Variants in ASTL observed in about 807,000 individuals in gnomAD.
The protein encoded by ASTL is astacin-like metalloendopeptidase.
Under a neutral mutation model 36.7 loss-of-function variants are expected in ASTL, and 27 were observed. The observed-to-expected ratio is 0.73, with a 90% CI of 0.54 to 1.01. The LOEUF (loss-of-function observed/expected upper bound fraction) is 1.01. ASTL is among the 50% of genes least tolerant of loss of function. The probability of loss-of-function intolerance (pLI) is 0.00; values close to 1 mark genes in which losing one functional copy is unlikely to be tolerated. For missense variants in ASTL, 524 were observed against 572.8 expected, an observed-to-expected ratio of 0.91 and a Z score of 0.87; for synonymous variants, 222 against 228.1, an observed-to-expected ratio of 0.97 and a Z score of 0.24.
In ASTL at chr2:96,129,822, A is replaced by G. The variant is rs1682132084; in HGVS notation, c.874+2T>C. ...AAGTCACCTTCCTGCCATGCCACTC[A>G]CCTCTCCCACGGGGCCTGGGGCCAC... On this transcript the variant is annotated splice_donor_variant, in intron 8 of 8. Transcript: ENST00000342380. LOFTEE classifies it high-confidence loss of function. 1 of 1,534,126 alleles carries G rather than the reference A, an allele frequency of 6.5e-7. No individual in the cohort carries two copies. The highest frequency in any genetic ancestry group is 1.4e-5 in the African/African-American group (1 of 72,272).
At chr2:96,129,275 T>C (rs562413764) in intron 8 of ASTL, among the ~76,000 whole-genome samples, 4 of 152,362 alleles carry the variant, frequency 2.6e-5, no homozygotes, top group South Asian at 4.1e-4. Flanking sequence ...ATTATAATGG[T>C]ATGTTTACTA....
intron 8 of ASTL, among the ~76,000 whole-genome samples, chr2:96,128,203 G>A (rs1187447570): frequency 1.3e-5 from 2 of 148,452 alleles, no homozygotes; most frequent in Non-Finnish European, 3.0e-5. Context: ...TTGCACTCCA[G>A]CCTGGGCAAA....
chr2:96,128,926 G>A (rs1682114000), intron 8 of ASTL, among the ~76,000 whole-genome samples: 1 of 152,072 alleles, frequency 6.6e-6, no homozygotes. Context: ...TGTAAGCCCA[G>A]CTGCTCAGGA....
Position 96,133,555 on chromosome 2 carries a change from A to AG in ASTL, c.338-14_338-13insC. Reference sequence around the variant, plus strand: ...CGGCTGGGCTCATCTGGAAGACACCACCTGGCTGAGCCCCCAGAGCCCTGG... The same window carrying AG: ...CGGCTGGGCTCATCTGGAAGACACCAGCCTGGCTGAGCCCCCAGAGCCCTGG... On this transcript the variant is annotated splice_polypyrimidine_tract_variant and intron_variant, in intron 4 of 8. Coordinates refer to ENST00000342380, the MANE Select transcript of ASTL (RefSeq NM_001002036.4). The AG allele has an allele frequency of 6.3e-7, 1 of 1,598,666 alleles. No homozygotes were observed. The highest frequency in any genetic ancestry group is 8.6e-7 in the Non-Finnish European group (1 of 1,165,924).
intron 2 of ASTL, among the ~76,000 whole-genome samples, chr2:96,136,815 G>A (rs1338661847): frequency 6.6e-6 from 1 of 152,106 alleles, no homozygotes; most frequent in Non-Finnish European, 1.5e-5. Context: ...TCATTCCTCA[G>A]CTGACATCCC....
At chr2:96,131,779 G>A (rs1437889171) in intron 6 of ASTL, among the ~76,000 whole-genome samples, 1 of 152,098 alleles carries the variant, frequency 6.6e-6, no homozygotes, top group Non-Finnish European at 1.5e-5. Context: ...GTCTCGTGCT[G>A]GACGCCCTCC....
At position 96,124,027 on chromosome 2, in the gene ASTL, C is replaced by G; in HGVS notation, c.1119G>C (p.Arg373Ser). 2 of 1,614,010 alleles carry G rather than the reference C, an allele frequency of 1.2e-6. No homozygotes were observed. Among genetic ancestry groups the G allele is most frequent in the Non-Finnish European group, 8.5e-7 (1 of 1,179,968 alleles). Residue 373 changes from arginine to serine, a missense_variant, in exon 9 of 9, where the codon AGG becomes AGC. By Grantham distance (110) the Arg-to-Ser change is moderately radical. Coordinates refer to ENST00000342380, the MANE Select transcript of ASTL (RefSeq NM_001002036.4). The surrounding 1 kb of genome is among the most constrained non-coding windows in gnomAD (Gnocchi z 4.1). ...PQTLASSPRS[R>S]PGAGAPGVAQ... ...CAACACCGGGGGCACCTGCTCCAGG[C>G]CTTGATCTTGGGGAGGAAGCTAGGG...
upstream of ASTL, chr2:96,138,519 C>T: frequency 1.7e-6 from 2 of 1,208,206 alleles, no homozygotes; most frequent in South Asian, 1.3e-5. Context: ...GGCACCACCA[C>T]CCCCTCTTAA....
Position 96,133,452 on chromosome 2 carries a change from T to C in ASTL, c.428A>G (p.Asp143Gly), listed in dbSNP as rs1682228030. 6.2e-7 allele frequency: 1 copy of C among 1,613,080 alleles called. No individual in the cohort carries two copies. Among genetic ancestry groups the C allele is most frequent in the African/African-American group, 1.3e-5 (1 of 74,970 alleles). ...ATACATGGGGATGATGGAAATGAAG[T>C]CTCTCTGGTCCTGATAGGTGACAAA... ...IRFVTYQDQR[D>G]FISIIPMYGC... Residue 143 changes from aspartate (D) to glycine (G), a missense_variant, in exon 5 of 9, where the codon GAC becomes GGC. Physicochemically the swap from Asp to Gly is moderately conservative, Grantham distance 94. Coordinates refer to ENST00000342380, the MANE Select transcript of ASTL (RefSeq NM_001002036.4).
At chr2:96,130,189 G>T in intron 6 of ASTL, 44 bp from the exon 7 acceptor site, 1 of 1,522,816 alleles carries the variant, frequency 6.6e-7, no homozygotes, top group Non-Finnish European at 9.1e-7. Context: ...TATAAAGAGG[G>T]CAGGCAAGAA....
chr2:96,137,594 G>A lies in ASTL; in HGVS notation c.162C>T (p.Asp54=). ...CCTCACCTTGGTTAATTGCAGGAAT[G>A]TCCTTGTCCCCGGAGGCCTGGGTTC... ...PEGTQASGDK[D]IPAINQGLIL... The change falls in exon 2 of 9, where the codon GAC becomes GAT. Residue 54 remains aspartate, a synonymous_variant. Coordinates refer to ENST00000342380, the MANE Select transcript of ASTL (RefSeq NM_001002036.4). 6.2e-7 allele frequency: 1 copy of A among 1,613,940 alleles called. No individual in the cohort carries two copies. The highest frequency in any genetic ancestry group is 8.5e-7 in the Non-Finnish European group (1 of 1,179,850).
In ASTL at chr2:96,124,363, A is replaced by T; in HGVS notation, c.875-92T>A. ...ACCCAGAGCTGGCTCAGCTCACAGG[A>T]GTGGTGCCCACCCATGCCACGGCCT... On this transcript the variant is annotated intron_variant, in intron 8 of 8. Transcript: ENST00000342380. This position sits in a 1 kb window ranked among gnomAD's most constrained non-coding sequence, Gnocchi z 4.1. The T allele has an allele frequency of 8.2e-7, 1 of 1,219,216 alleles. No individual in the cohort carries two copies. The highest frequency in any genetic ancestry group is 1.1e-6 in the Non-Finnish European group (1 of 917,238). The allele number at this position is 1,219,216 out of a possible 1,614,324, so 75.5% of individuals were successfully genotyped here. A position where few individuals can be genotyped will look rare whatever the true frequency, so the allele number is the denominator to read the frequency against.
chr2:96,137,195 A>T (rs2104778903), intron 2 of ASTL, among the ~76,000 whole-genome samples: 1 of 152,312 alleles, frequency 6.6e-6, no homozygotes, highest in African/African-American at 2.4e-5. Context: ...AGGGTGGCTG[A>T]CAATCTCAGA....
Position 96,137,709 on chromosome 2 carries a change from G to T in ASTL, c.56-9C>A, listed in dbSNP as rs1222355383. The T allele has an allele frequency of 3.1e-6, 5 of 1,610,544 alleles. No individual in the cohort carries two copies. In the African/African-American group the frequency reaches 5.3e-5, roughly 17 times the overall value. On this transcript the variant is annotated splice_polypyrimidine_tract_variant and intron_variant, in intron 1 of 8. Coordinates refer to ENST00000342380, the MANE Select transcript of ASTL (RefSeq NM_001002036.4). ...CGCTCCTAGGATCACACCTGGTCCA[G>T]ACAGACAGGGGCATACACAGATGCC...
In ASTL at chr2:96,132,838, C is replaced by A; in HGVS notation, c.456-117G>T. On this transcript the variant is annotated intron_variant, in intron 5 of 8. Coordinates refer to ENST00000342380, the MANE Select transcript of ASTL (RefSeq NM_001002036.4). This position sits in a 1 kb window ranked among gnomAD's most constrained non-coding sequence, Gnocchi z 5.4. Reference sequence around the variant, plus strand: ...TAGACAAACTCCCAACAGGCAGGCCCCACTCTGGGCTCTAGTCTCAGGTTC... The same window carrying A: ...TAGACAAACTCCCAACAGGCAGGCCACACTCTGGGCTCTAGTCTCAGGTTC... The A allele has an allele frequency of 1.1e-6, 1 of 904,968 alleles. No individual in the cohort carries two copies. Among genetic ancestry groups the A allele is most frequent in the Non-Finnish European group, 1.6e-6 (1 of 616,310 alleles). 56.1% of individuals were successfully genotyped at this position (904,968 alleles called of 1,614,324 possible).
intron 2 of ASTL, among the ~76,000 whole-genome samples, chr2:96,136,331 C>T (rs897174670): frequency 6.6e-6 from 1 of 152,256 alleles, no homozygotes; most frequent in Non-Finnish European, 1.5e-5. Context: ...GCTGAGGCAG[C>T]TCCTTCTGGC....
At position 96,123,844 on chromosome 2, in the gene ASTL, A is replaced by G; in HGVS notation, c.*6T>C. The G allele has an allele frequency of 6.2e-7, 1 of 1,610,134 alleles. No homozygotes were observed. Among genetic ancestry groups the G allele is most frequent in the South Asian group, 1.1e-5 (1 of 90,706 alleles). On this transcript the variant is annotated 3_prime_UTR_variant, in exon 9 of 9. Transcript: ENST00000342380. Reference sequence around the variant, plus strand: ...CCCTCCCTACTTGGGGACAGAAGCCACAGGCTTAATCTTCGGACATCCCCT... The same window carrying G: ...CCCTCCCTACTTGGGGACAGAAGCCGCAGGCTTAATCTTCGGACATCCCCT...
At chr2:96,130,903 T>G (rs1008069780) in intron 6 of ASTL, among the ~76,000 whole-genome samples, 1 of 152,218 alleles carries the variant, frequency 6.6e-6, no homozygotes, top group Admixed American at 6.5e-5. Flanking sequence ...AGTCAAATAT[T>G]GAGATGTAGT....
chr2:96,137,637 T>A lies in ASTL; in HGVS notation c.119A>T (p.Asp40Val). 6.2e-7 allele frequency: 1 copy of A among 1,613,902 alleles called. No individual in the cohort carries two copies. The highest frequency in any genetic ancestry group is 2.2e-5 in the East Asian group (1 of 44,878). Reference protein sequence around the residue: ...CAGACGTSFPDGLTPEGTQAS... With the variant: ...CAGACGTSFPVGLTPEGTQAS... Reference sequence around the variant, plus strand: ...CTGGGTTCCCTCAGGGGTGAGGCCATCTGGGAAGCTGGTACCACAGGCTCC... The same window carrying A: ...CTGGGTTCCCTCAGGGGTGAGGCCAACTGGGAAGCTGGTACCACAGGCTCC... The change falls in exon 2 of 9, where the codon GAT (aspartate) becomes GTT (valine). Residue 40 changes from aspartate to valine, a missense_variant. Coordinates refer to ENST00000342380, the MANE Select transcript of ASTL (RefSeq NM_001002036.4).
Sources: allele counts gnomAD v4.1 joint callset (sites outside exome capture counted in the v4.1 genomes callset), GRCh38; gene constraint gnomAD v4.1.1; non-coding constraint Gnocchi (gnomAD v3.1); transcripts MANE v1.5; gene names NCBI Gene and HGNC (gene_info 2026-07-23, HGNC 2026-07-21).